The following RBM20 variants were observed in gnomAD, a reference collection of about 807,000 sequenced individuals.
The protein encoded by RBM20 is RNA-binding protein 20.
A neutral mutation model predicts 110.1 loss-of-function variants in RBM20; 51 were observed. That is an observed-to-expected ratio of 0.46 (90% CI 0.37 to 0.59). The LOEUF (loss-of-function observed/expected upper bound fraction) is 0.59. RBM20 is among the 20% of genes least tolerant of loss of function. The pLI is 0.00. For missense variants in RBM20, 1,512 were observed against 1,574.9 expected (o/e 0.96, Z 0.68); for synonymous variants, 589 against 618.2 (o/e 0.95, Z 0.70).
At chr10:110,792,964 A>C (rs1844503100) in intron 5 of RBM20, among the ~76,000 whole-genome samples, 1 of 152,152 alleles carries the variant, frequency 6.6e-6, no homozygotes, top group South Asian at 2.1e-4. Flanking sequence ...TCCTGTTTAT[A>C]CTGAGCACAG....
At chr10:110,773,545 C>G (rs1844221335) in intron 1 of RBM20, among the ~76,000 whole-genome samples, 1 of 151,966 alleles carries the variant, frequency 6.6e-6, no homozygotes, top group African/African-American at 2.4e-5. Context: ...ACCTATAATA[C>G]CATACCCTCA....
intron 1 of RBM20, among the ~76,000 whole-genome samples, chr10:110,749,589 G>A (rs946397978): frequency 1.3e-5 from 2 of 152,100 alleles, no homozygotes; most frequent in African/African-American, 2.4e-5. Flanking sequence ...TGCAATTACA[G>A]AAACCAATTC....
upstream of RBM20, among the ~76,000 whole-genome samples, chr10:110,643,948 A>G (rs1479150469): frequency 6.6e-6 from 1 of 152,128 alleles, no homozygotes; most frequent in Non-Finnish European, 1.5e-5. Flanking sequence ...AGGAGCTGCG[A>G]GAGGCCGCGC....
chr10:110,802,104 A>G (rs940694250), intron 7 of RBM20, among the ~76,000 whole-genome samples: 1 of 152,080 alleles, frequency 6.6e-6, no homozygotes, highest in Non-Finnish European at 1.5e-5. Context: ...TGTGCTTTCT[A>G]CTGTTCCATT....
chr10:110,697,514 G>A (rs1862683897), intron 1 of RBM20, among the ~76,000 whole-genome samples: 1 of 152,252 alleles, frequency 6.6e-6, no homozygotes, highest in Admixed American at 6.5e-5. Flanking sequence ...GGGATACAGA[G>A]GTGTGCCCAG....
chr10:110,734,289 C>G (rs1843647121), intron 1 of RBM20, among the ~76,000 whole-genome samples: 1 of 152,132 alleles, frequency 6.6e-6, no homozygotes, highest in African/African-American at 2.4e-5. Context: ...ATTGTAGGAG[C>G]AGAAAGAGGG....
chr10:110,750,031 T>G (rs572708150), intron 1 of RBM20, among the ~76,000 whole-genome samples: 7 of 152,336 alleles, frequency 4.6e-5, no homozygotes, highest in Admixed American at 2.6e-4. Context: ...AGGTGTATAA[T>G]ATAAGATTAT....
intron 1 of RBM20, among the ~76,000 whole-genome samples, chr10:110,655,437 A>G (rs1435432955): frequency 6.6e-6 from 1 of 152,196 alleles, no homozygotes; most frequent in Non-Finnish European, 1.5e-5. Context: ...ATGCTCACAG[A>G]GAGCACATAA....
intron 1 of RBM20, among the ~76,000 whole-genome samples, chr10:110,740,944 T>C (rs867834939): frequency 3.9e-4 from 60 of 152,328 alleles, no homozygotes; most frequent in Middle Eastern, 6.8e-3. Flanking sequence ...AACATGGCTC[T>C]CATTACCTGG....
intron 1 of RBM20, among the ~76,000 whole-genome samples, chr10:110,740,025 G>C (rs1434182383): frequency 6.6e-6 from 1 of 152,234 alleles, no homozygotes; most frequent in East Asian, 1.9e-4. Flanking sequence ...ATGCAGACTT[G>C]TCTGGAAACA....
rs1844915683 is a variant in RBM20 at position 110,821,791 on chromosome 10, C to A, written c.3172C>A (p.Gln1058Lys). The A allele has an allele frequency of 1.2e-5, 19 of 1,551,668 alleles. No homozygotes were observed. Among genetic ancestry groups the A allele is most frequent in the Admixed American group, 2.0e-5 (1 of 50,996 alleles). Reference protein sequence around the residue: ...SPKPAEERARQPSPFVDDCKT... With the variant: ...SPKPAEERARKPSPFVDDCKT... ...TAAGCCAGCAGAGGAGAGGGCCCGGCAGCCAAGCCCATTTGTGGATGATTG... is the reference window on the plus strand; with the variant it reads ...TAAGCCAGCAGAGGAGAGGGCCCGGAAGCCAAGCCCATTTGTGGATGATTG... Residue 1058 changes from glutamine (Q) to lysine (K), a missense_variant, in exon 11 of 14, where the codon CAG becomes AAG. Transcript: ENST00000369519.
chr10:110,662,625 G>A (rs1031589240), intron 1 of RBM20, among the ~76,000 whole-genome samples: 1 of 152,226 alleles, frequency 6.6e-6, no homozygotes, highest in Non-Finnish European at 1.5e-5. Flanking sequence ...AAAAGTACAT[G>A]TGGGTTACCT....
At chr10:110,686,652 A>G (rs964295859) in intron 1 of RBM20, among the ~76,000 whole-genome samples, 9 of 152,202 alleles carry the variant, frequency 5.9e-5, no homozygotes, top group Non-Finnish European at 1.2e-4. Context: ...ATATAAATGG[A>G]AATTACAATT....
intron 5 of RBM20, among the ~76,000 whole-genome samples, chr10:110,787,425 A>G (rs571153467): frequency 1.7e-3 from 261 of 152,252 alleles, no homozygotes; most frequent in African/African-American, 5.7e-3. Context: ...AGCGCTTTTA[A>G]CCCATTTTGG....
chr10:110,697,912 T>C (rs1451267303), intron 1 of RBM20, among the ~76,000 whole-genome samples: 15 of 143,548 alleles, frequency 1.0e-4, no homozygotes, highest in African/African-American at 3.9e-4. Flanking sequence ...TTTTTTTTTT[T>C]CTTTTTTTTT....
intron 5 of RBM20, among the ~76,000 whole-genome samples, chr10:110,794,778 G>C (rs1261253343): frequency 6.6e-6 from 1 of 152,210 alleles, no homozygotes; most frequent in Non-Finnish European, 1.5e-5. Context: ...TTTTAATTGA[G>C]ACCCATTCAC....
At chr10:110,675,359 A>G (rs1776214485) in intron 1 of RBM20, among the ~76,000 whole-genome samples, 1 of 152,220 alleles carries the variant, frequency 6.6e-6, no homozygotes, top group Admixed American at 6.5e-5. Flanking sequence ...CCTTGAGATC[A>G]TGGCCTTTAC....
intron 13 of RBM20, among the ~76,000 whole-genome samples, chr10:110,834,982 C>A (rs981070501): frequency 6.6e-5 from 10 of 152,130 alleles, no homozygotes; most frequent in African/African-American, 2.4e-4. Context: ...ATAGACAGGC[C>A]CATTTTTAAA....
intron 1 of RBM20, among the ~76,000 whole-genome samples, chr10:110,772,038 G>C (rs1455968167): frequency 2.0e-5 from 3 of 151,988 alleles, no homozygotes; most frequent in African/African-American, 7.3e-5. Context: ...CGAGAAAATG[G>C]AAAGATTTCC....
Sources: gnomAD v4.1 joint callset for allele counts (sites outside exome capture counted in the v4.1 genomes callset) on GRCh38, gnomAD v4.1.1 for gene constraint, MANE v1.5 for transcripts, NCBI Gene and HGNC (gene_info 2026-07-23, HGNC 2026-07-21) for gene names.